FREM1: variants seen among roughly 807,000 people sequenced by gnomAD.
FREM1 encodes the protein FRAS1 related extracellular matrix 1, also known as FRAS1-related extracellular matrix protein 1.
In FREM1, 220 loss-of-function variants were observed where a neutral mutation model predicts 210.1. That is an observed-to-expected ratio of 1.05 (90% CI 0.94 to 1.17). The LOEUF (loss-of-function observed/expected upper bound fraction) is 1.17, where lower values mean the gene tolerates loss of function less well. FREM1 is among the 50% of genes most tolerant of loss of function. The pLI is 0.00. For missense variants in FREM1, 3,454 were observed against 2,675.5 expected (o/e 1.29, Z -6.42); for synonymous variants, 1,189 against 980.2 (o/e 1.21, Z -3.98).
intron 13 of FREM1, among the ~76,000 whole-genome samples, chr9:14,821,534 T>C (rs2642410): frequency 0.8 from 121,016 of 152,108 alleles, 48,240 homozygotes; most frequent in East Asian, 0.93. Context: ...ATGGTCTGAA[T>C]AAAATCTAAT....
chr9:14,763,009 T>C (rs1224219010), intron 27 of FREM1, among the ~76,000 whole-genome samples: 1 of 152,212 alleles, frequency 6.6e-6, no homozygotes, highest in Non-Finnish European at 1.5e-5. Flanking sequence ...GATTGGTTCA[T>C]ATCTTCCCAT....
intron 14 of FREM1, among the ~76,000 whole-genome samples, chr9:14,818,018 G>A (rs558285552): frequency 1.5e-4 from 23 of 152,252 alleles, no homozygotes; most frequent in Admixed American, 4.6e-4. Flanking sequence ...TTCAAAATCT[G>A]ACCCCTCCAT....
chr9:14,777,571 G>A (rs867505439), intron 24 of FREM1, among the ~76,000 whole-genome samples: 7 of 151,754 alleles, frequency 4.6e-5, no homozygotes, highest in African/African-American at 1.5e-4. Flanking sequence ...TAATGCTTTC[G>A]TAGAATGTAT....
intron 19 of FREM1, among the ~76,000 whole-genome samples, chr9:14,803,898 T>C (rs2133349916): frequency 6.6e-6 from 1 of 152,312 alleles, no homozygotes; most frequent in Middle Eastern, 3.4e-3. Flanking sequence ...ACCTTGCCTT[T>C]TTCTCCAAGA....
At chr9:14,811,289 CAGG>C (rs1286049812) in intron 16 of FREM1, among the ~76,000 whole-genome samples, 1 of 152,138 alleles carries the variant, frequency 6.6e-6, no homozygotes, top group African/African-American at 2.4e-5. Context: ...TGCTACACTA[CAGG>C]AGATTTAGAA....
At chr9:14,796,438 T>C (rs370067069) in intron 21 of FREM1, among the ~76,000 whole-genome samples, 2 of 152,186 alleles carry the variant, frequency 1.3e-5, no homozygotes, top group Non-Finnish European at 2.9e-5. Context: ...TAGCTGCCAA[T>C]TGTAAAAGAA....
chr9:14,745,321 T>C (rs1428625931), intron 35 of FREM1, among the ~76,000 whole-genome samples: 1 of 152,216 alleles, frequency 6.6e-6, no homozygotes, highest in Admixed American at 6.5e-5. Context: ...CTTCAAACTA[T>C]TCTAGTAGGT....
At chr9:14,791,820 G>GTTT (rs1554664924) in intron 22 of FREM1, among the ~76,000 whole-genome samples, 3 of 150,234 alleles carry the variant, frequency 2.0e-5, no homozygotes, top group Non-Finnish European at 4.4e-5. Context: ...TCAGATAATG[G>GTTT]TTTGTTTTGT....
chr9:14,774,280 A>C (rs567255571), intron 25 of FREM1: 4 of 427,642 alleles, frequency 9.4e-6, no homozygotes, highest in Non-Finnish European at 4.6e-6. Flanking sequence ...ATTTTGAGTA[A>C]AGAGATCACC....
intron 5 of FREM1, among the ~76,000 whole-genome samples, chr9:14,854,117 CG>C (rs953206372): frequency 4.6e-5 from 7 of 152,092 alleles, no homozygotes; most frequent in African/African-American, 1.4e-4. Flanking sequence ...ATTTTTTCAC[CG>C]TACATATTAC....
intron 1 of FREM1, among the ~76,000 whole-genome samples, chr9:14,870,788 A>C: frequency 6.8e-6 from 1 of 146,890 alleles, no homozygotes; most frequent in Admixed American, 6.7e-5. Context: ...ATATCTCCTA[A>C]TGCTATCCCT....
At chr9:14,739,895 C>A (rs1001937915) in intron 36 of FREM1, among the ~76,000 whole-genome samples, 3 of 152,048 alleles carry the variant, frequency 2.0e-5, no homozygotes, top group Non-Finnish European at 4.4e-5. Context: ...AATGTTATTG[C>A]ATTGAATTCT....
intron 5 of FREM1, 87 bp from the exon 6 acceptor site, chr9:14,851,694 G>A (rs1827789247): frequency 9.0e-7 from 1 of 1,109,930 alleles, no homozygotes; most frequent in Admixed American, 1.7e-5. Context: ...ATTTAATACA[G>A]CCACAGCCTA....
intron 20 of FREM1, among the ~76,000 whole-genome samples, chr9:14,799,887 G>C (rs1235841809): frequency 1.3e-5 from 2 of 151,160 alleles, no homozygotes; most frequent in African/African-American, 4.9e-5. Flanking sequence ...ATGCTGGTGT[G>C]CTGCACCCAT....
chr9:14,752,694 A>G (rs1843606784), intron 29 of FREM1, among the ~76,000 whole-genome samples: 1 of 152,208 alleles, frequency 6.6e-6, no homozygotes, highest in Non-Finnish European at 1.5e-5. Context: ...AAGAAAGCAT[A>G]TGAATAATAT....
rs146195965 is a variant in FREM1, at chr9:14,748,202, C to T, written c.5796+199G>A. On this transcript the variant is annotated intron_variant, in intron 31 of 36. Transcript: ENST00000380880. ...ATGGATGAATCAGCATATCTATCAC[C>T]TCAGTACAATTAAAGAAGCAAGGCA... 7.4e-3 allele frequency among the ~76,000 whole-genome samples: 1,123 copies of T among 152,252 alleles called. 5 individuals carry two copies. The highest frequency in any genetic ancestry group is 0.012 in the Non-Finnish European group (831 of 68,014).
rs1209090088 is a variant in FREM1 at position 14,816,819 on chromosome 9, T to A, written c.2599A>T (p.Thr867Ser). ...AATTCTGCTGAATTTGTGCCATCGG[T>A]GACCTCCAAGAGTAGGTCATCCTGA... ...VLQDDLLLEV[T>S]DGTNSAEFVL... Residue 867 changes from threonine (T) to serine (S), a missense_variant, in exon 15 of 37, where the codon ACC becomes TCC. Thr to Ser is a moderately conservative substitution (Grantham distance 58). Coordinates refer to ENST00000380880, the MANE Select transcript of FREM1 (RefSeq NM_001379081.2). 6.9e-7 allele frequency: 1 copy of A among 1,444,938 alleles called. No homozygotes were observed. Among genetic ancestry groups the A allele is most frequent in the Non-Finnish European group, 9.3e-7 (1 of 1,071,510 alleles). The allele number at this position is 1,444,938 out of a possible 1,614,324, so 89.5% of individuals were successfully genotyped here.
chr9:14,840,902 C>G (rs901114024), intron 10 of FREM1, among the ~76,000 whole-genome samples: 7 of 152,220 alleles, frequency 4.6e-5, no homozygotes, highest in African/African-American at 1.4e-4. Flanking sequence ...AGAAGAGACT[C>G]TTAGATCTTT....
intron 9 of FREM1, among the ~76,000 whole-genome samples, chr9:14,841,801 G>C (rs59716044): frequency 2.0e-5 from 3 of 152,114 alleles, no homozygotes; most frequent in Non-Finnish European, 4.4e-5. Flanking sequence ...TATCTGTCTT[G>C]ATATATGGAA....
Sources: gnomAD v4.1 joint callset for allele counts (sites outside exome capture counted in the v4.1 genomes callset) on GRCh38, gnomAD v4.1.1 for gene constraint, MANE v1.5 for transcripts, NCBI Gene and HGNC (gene_info 2026-07-23, HGNC 2026-07-21) for gene names.